CNTNAP5: variants seen among roughly 807,000 people sequenced by gnomAD.
The protein encoded by CNTNAP5 is contactin associated protein family member 5.
A neutral mutation model predicts 150.2 loss-of-function variants in CNTNAP5; 72 were observed. The observed-to-expected ratio is 0.48, with a 90% CI of 0.40 to 0.58. The LOEUF (loss-of-function observed/expected upper bound fraction) is 0.58, where lower values mean the gene tolerates loss of function less well. CNTNAP5 is among the 20% of genes least tolerant of loss of function. CNTNAP5 has a pLI of 0.00. For synonymous variants in CNTNAP5, 672 were observed against 619.8 expected, an observed-to-expected ratio of 1.08 and a Z score of -1.25; for missense variants, 1,636 against 1,626.2, an observed-to-expected ratio of 1.01 and a Z score of -0.10.
intron 1 of CNTNAP5, among the ~76,000 whole-genome samples, chr2:124,170,702 A>G (rs1033696043): frequency 2.0e-5 from 3 of 152,142 alleles, no homozygotes; most frequent in African/African-American, 7.2e-5. Flanking sequence ...CCCATTGCAT[A>G]TGGCTGCCTG....
chr2:124,560,969 CA>C (rs535615148), intron 10 of CNTNAP5, among the ~76,000 whole-genome samples: 2,521 of 146,750 alleles, frequency 0.017, 67 homozygotes, highest in African/African-American at 0.058. Flanking sequence ...CCCAAAACAA[CA>C]AAAAAAAAAA....
intron 3 of CNTNAP5, among the ~76,000 whole-genome samples, chr2:124,400,669 G>GTTTTTTTTTTTTTTTTT (rs760418441): frequency 4.0e-3 from 335 of 84,418 alleles, no homozygotes; most frequent in East Asian, 0.012. Flanking sequence ...TAAAGGCATT[G>GTTTTTTTTTTTTTTTTT]TTTTTTTTTT....
chr2:124,533,428 G>A lies in CNTNAP5; in HGVS notation c.1649+5972G>A, dbSNP rs1419099638. 2.0e-5 allele frequency among the ~76,000 whole-genome samples: 3 copies of A among 152,292 alleles called. No individual in the cohort carries two copies. The East Asian group carries it at 5.8e-4, about 29-fold the overall frequency. On this transcript the variant is annotated intron_variant, in intron 10 of 23. Coordinates refer to ENST00000682447, the MANE Select transcript of CNTNAP5 (RefSeq NM_001367498.1). ...TTCGTGTGTGATGCTGCTGCTACTG[G>A]GCTGGCCTGGTGGCCGTACTCTGAG... is the stretch of plus-strand genomic sequence containing the variant.
chr2:124,558,270 G>T (rs1695806505), intron 10 of CNTNAP5, among the ~76,000 whole-genome samples: 1 of 152,320 alleles, frequency 6.6e-6, no homozygotes, highest in African/African-American at 2.4e-5. Flanking sequence ...GGCCCAGCCG[G>T]CAGGAATTGC....
At chr2:124,557,464 C>G (rs1573457164) in intron 10 of CNTNAP5, among the ~76,000 whole-genome samples, 1 of 152,160 alleles carries the variant, frequency 6.6e-6, no homozygotes, top group Admixed American at 6.6e-5. Context: ...AGAGGCTTAG[C>G]TAACAGAGGG....
intron 19 of CNTNAP5, among the ~76,000 whole-genome samples, chr2:124,807,460 G>A (rs1344694927): frequency 6.6e-6 from 1 of 152,240 alleles, no homozygotes; most frequent in African/African-American, 2.4e-5. Flanking sequence ...CTGAGTATGT[G>A]CCAAGGCATA....
intron 23 of CNTNAP5, among the ~76,000 whole-genome samples, chr2:124,913,812 A>G (rs1174349187): frequency 2.6e-5 from 4 of 152,052 alleles, no homozygotes; most frequent in Admixed American, 2.6e-4. Flanking sequence ...GTCCAATTCC[A>G]TATGTATAAG....
At chr2:124,386,110 G>T (rs976780286) in intron 3 of CNTNAP5, among the ~76,000 whole-genome samples, 7 of 152,088 alleles carry the variant, frequency 4.6e-5, no homozygotes, top group Non-Finnish European at 1.0e-4. Context: ...GTGGAGTGAT[G>T]GGGGGTACCT....
intron 13 of CNTNAP5, among the ~76,000 whole-genome samples, chr2:124,732,222 A>G (rs953545469): frequency 5.3e-5 from 8 of 152,124 alleles, no homozygotes; most frequent in Non-Finnish European, 8.8e-5. Flanking sequence ...GAGAAAATAC[A>G]TAATTGAGTC....
rs542402996 is a variant in CNTNAP5, at chr2:124,408,844, G to C, written c.382-8599G>C. 3.2e-3 allele frequency among the ~76,000 whole-genome samples: 481 copies of C among 152,270 alleles called. 3 individuals carry two copies. Among genetic ancestry groups the C allele is most frequent in the African/African-American group, 0.011 (444 of 41,558 alleles). ...TGCAGAGCTCCTCTCCTCCTCCAAA[G>C]GAATGCAGTTCCTCACCAGCAACGG... is the stretch of plus-strand genomic sequence containing the variant. On this transcript the variant is annotated intron_variant, in intron 3 of 23. Transcript: ENST00000682447.
At chr2:124,571,334 G>A (rs1696147241) in intron 11 of CNTNAP5, among the ~76,000 whole-genome samples, 1 of 151,988 alleles carries the variant, frequency 6.6e-6, no homozygotes, top group South Asian at 2.1e-4. Context: ...GGCCAAGTGT[G>A]GGACCTTGAA....
At chr2:124,307,290 A>T (rs1180199574) in intron 3 of CNTNAP5, among the ~76,000 whole-genome samples, 1 of 152,134 alleles carries the variant, frequency 6.6e-6, no homozygotes, top group Non-Finnish European at 1.5e-5. Context: ...CCTCTTTCAT[A>T]AGGACACAAT....
rs542161236 is a variant in CNTNAP5, at chr2:124,920,164, T to G, written c.*5876T>G. Among the ~76,000 whole-genome samples the G allele has an allele frequency of 6.6e-6, 1 of 152,014 alleles. No individual in the cohort carries two copies. The highest frequency in any genetic ancestry group is 1.5e-5 in the Non-Finnish European group (1 of 67,994). On this transcript the variant is annotated 3_prime_UTR_variant, in exon 24 of 24. Coordinates refer to ENST00000682447, the MANE Select transcript of CNTNAP5 (RefSeq NM_001367498.1). ...ATTAGTCCCAAGCCAAGACCAAAGG[T>G]GAAGATAATTGTGTTAGTGATTAAC...
chr2:124,198,252 A>T (rs776299597), intron 1 of CNTNAP5, among the ~76,000 whole-genome samples: 1 of 151,926 alleles, frequency 6.6e-6, no homozygotes, highest in Non-Finnish European at 1.5e-5. Context: ...CCTTCTTTCA[A>T]ATCGATTTGT....
At chr2:124,747,785 C>CT (rs1428976462) in intron 14 of CNTNAP5, among the ~76,000 whole-genome samples, 10 of 107,924 alleles carry the variant, frequency 9.3e-5, no homozygotes, top group African/African-American at 3.3e-4. Context: ...ACTCCTAACT[C>CT]TTCTTTTTTT....
At chr2:124,842,711 A>T (rs1052621927) in intron 19 of CNTNAP5, among the ~76,000 whole-genome samples, 1 of 152,148 alleles carries the variant, frequency 6.6e-6, no homozygotes, top group Non-Finnish European at 1.5e-5. Context: ...ACCAGAACCC[A>T]TCACTGAATA....
intron 1 of CNTNAP5, among the ~76,000 whole-genome samples, chr2:124,039,560 T>C (rs1316271924): frequency 1.3e-5 from 2 of 152,162 alleles, no homozygotes; most frequent in Non-Finnish European, 2.9e-5. Context: ...TGAGTAGAAG[T>C]GATGAAAGTA....
At chr2:124,736,142 A>C (rs1202353951) in intron 13 of CNTNAP5, among the ~76,000 whole-genome samples, 1 of 152,152 alleles carries the variant, frequency 6.6e-6, no homozygotes, top group Non-Finnish European at 1.5e-5. Flanking sequence ...AGGTGGGAGA[A>C]TCACTAGAAC....
chr2:124,755,452 A>G lies in CNTNAP5; in HGVS notation c.2234+8067A>G, dbSNP rs76079597. On this transcript the variant is annotated intron_variant, in intron 14 of 23. Transcript: ENST00000682447. ...AACTCACCAGTCAGAACACAGATACACAAGGAGACATTCCTTACAACTTCT... is the reference window on the plus strand; with the variant it reads ...AACTCACCAGTCAGAACACAGATACGCAAGGAGACATTCCTTACAACTTCT... Among the ~76,000 whole-genome samples the G allele has an allele frequency of 5.1e-4, 77 of 152,334 alleles. No homozygotes were observed. In the East Asian group the frequency reaches 0.012, roughly 23 times the overall value.
Sources: allele counts gnomAD v4.1 joint callset (sites outside exome capture counted in the v4.1 genomes callset), GRCh38; gene constraint gnomAD v4.1.1; transcripts MANE v1.5; gene names NCBI Gene and HGNC (gene_info 2026-07-23, HGNC 2026-07-21).